SLC26A4: variants seen among roughly 807,000 people sequenced by gnomAD.
The protein encoded by SLC26A4 is solute carrier family 26 member 4.
In SLC26A4, 93 loss-of-function variants were observed where a neutral mutation model predicts 90.4. That is an observed-to-expected ratio of 1.03 (90% confidence interval 0.87 to 1.22). SLC26A4 has a LOEUF of 1.22. SLC26A4 is among the 50% of genes most tolerant of loss of function. The pLI is 0.00. For missense variants in SLC26A4, 1,127 were observed against 946.2 expected (o/e 1.19, Z -2.51); for synonymous variants, 393 against 354.6 (o/e 1.11, Z -1.22).
intron 3 of SLC26A4, among the ~76,000 whole-genome samples, chr7:107,670,545 C>A (rs562437553): frequency 6.6e-6 from 1 of 152,108 alleles, no homozygotes; most frequent in African/African-American, 2.4e-5. Context: ...CATCTCTCCA[C>A]GTTACTGAAT....
chr7:107,689,093 G>T lies in SLC26A4; in HGVS notation c.1042G>T (p.Glu348Ter). Reference protein sequence around the residue: ...PELPPVSLFSEMLAASFSIAV... With the variant: ...PELPPVSLFS Reference sequence around the variant, plus strand: ...ACTTCCACCTGTGAGCTTGTTCTCGGAGATGCTGGCTGCATCATTTTCCAT... The same window carrying T: ...ACTTCCACCTGTGAGCTTGTTCTCGTAGATGCTGGCTGCATCATTTTCCAT... Residue 348 changes from glutamate (E) to a stop codon, truncating the protein, a stop_gained, in exon 9 of 21, where the codon GAG becomes TAG. Transcript: ENST00000644269. LOFTEE classifies it high-confidence loss of function. The T allele has an allele frequency of 6.2e-7, 1 of 1,613,932 alleles. No individual in the cohort carries two copies. The highest frequency in any genetic ancestry group is 8.5e-7 in the Non-Finnish European group (1 of 1,179,868).
intron 19 of SLC26A4, among the ~76,000 whole-genome samples, chr7:107,712,203 G>C (rs1051872667): frequency 6.6e-6 from 1 of 152,174 alleles, no homozygotes; most frequent in Non-Finnish European, 1.5e-5. Flanking sequence ...GCTGTGCTAA[G>C]TGCTCTTAGC....
rs1328928065 is a variant in SLC26A4 at position 107,680,070 on chromosome 7, A to G, written c.766-3132A>G. Among the ~76,000 whole-genome samples, 8 of 128,928 alleles carry G rather than the reference A, an allele frequency of 6.2e-5. No individual in the cohort carries two copies. In the South Asian group the frequency reaches 1.6e-3, roughly 26 times the overall value. The allele number at this position is 128,928 out of a possible 152,430, so 84.6% of individuals were successfully genotyped here. On this transcript the variant is annotated intron_variant, in intron 6 of 20. Coordinates refer to ENST00000644269, the MANE Select transcript of SLC26A4 (RefSeq NM_000441.2). Reference sequence around the variant, plus strand: ...TTATTATATAATATAATCTTATTATATAATATATTCTTATCTTATTATATA... The same window carrying G: ...TTATTATATAATATAATCTTATTATGTAATATATTCTTATCTTATTATATA...
intron 19 of SLC26A4, among the ~76,000 whole-genome samples, chr7:107,710,575 T>C (rs1414309959): frequency 6.6e-6 from 1 of 152,202 alleles, no homozygotes; most frequent in African/African-American, 2.4e-5. Flanking sequence ...TGGAAAACCT[T>C]GAATTATAAA....
intron 12 of SLC26A4, among the ~76,000 whole-genome samples, chr7:107,695,543 T>C (rs1233054969): frequency 6.6e-6 from 1 of 152,192 alleles, no homozygotes; most frequent in African/African-American, 2.4e-5. Context: ...GCACAGTGGC[T>C]CAGGCCTGTA....
rs780478372 is a variant in SLC26A4 at position 107,672,260 on chromosome 7, T to C, written c.415+12T>C. The C allele has an allele frequency of 4.7e-6, 7 of 1,491,226 alleles. No homozygotes were observed. The Admixed American group carries it at 1.2e-4, about 25-fold the overall frequency. 92.4% of individuals were successfully genotyped at this position (1,491,226 alleles called of 1,614,324 possible). A position where few individuals can be genotyped will look rare whatever the true frequency, so the allele number is the denominator to read the frequency against. On this transcript the variant is annotated intron_variant, in intron 4 of 20. Coordinates refer to ENST00000644269, the MANE Select transcript of SLC26A4 (RefSeq NM_000441.2). ...ACATATCTCAGTTGGTAATTATAAG[T>C]ATATTTTACAATTATATTTGCTCAT...
intron 15 of SLC26A4, 60 bp downstream of exon 15, chr7:107,700,235 A>C: frequency 1.2e-6 from 1 of 837,102 alleles, no homozygotes; most frequent in South Asian, 1.4e-5. Flanking sequence ...CATTCATTCT[A>C]CAAGTATTTA....
chr7:107,680,485 T>C (rs1272940350), intron 6 of SLC26A4, among the ~76,000 whole-genome samples: 1 of 146,636 alleles, frequency 6.8e-6, no homozygotes, highest in Non-Finnish European at 1.5e-5. Context: ...TCTTATATTA[T>C]TATATAATAT....
intron 19 of SLC26A4, among the ~76,000 whole-genome samples, chr7:107,710,587 G>T (rs918869621): frequency 6.6e-6 from 1 of 152,146 alleles, no homozygotes; most frequent in African/African-American, 2.4e-5. Flanking sequence ...AATTATAAAT[G>T]TCTTTAAACA....
At chr7:107,695,096 A>G (rs1791702158) in intron 12 of SLC26A4, among the ~76,000 whole-genome samples, 1 of 152,246 alleles carries the variant, frequency 6.6e-6, no homozygotes, top group Non-Finnish European at 1.5e-5. Context: ...TCTGACTAAC[A>G]TAACCTTTGC....
Position 107,702,070 on chromosome 7 carries a change from T to C in SLC26A4, c.2034+13T>C. ...ATCACTGCGGGTGGTAAGGTTCTGGTTTTCTGAATTATACATTTGGAGCTT... is the reference window on the plus strand; with the variant it reads ...ATCACTGCGGGTGGTAAGGTTCTGGCTTTCTGAATTATACATTTGGAGCTT... On this transcript the variant is annotated intron_variant, in intron 17 of 20. Coordinates refer to ENST00000644269, the MANE Select transcript of SLC26A4 (RefSeq NM_000441.2). 1 of 1,540,766 alleles carries C rather than the reference T, an allele frequency of 6.5e-7. No homozygotes were observed. The highest frequency in any genetic ancestry group is 9.0e-7 in the Non-Finnish European group (1 of 1,113,378).
rs992228295 is a variant in SLC26A4, at chr7:107,716,511, C to T, written c.*1065C>T. The T allele has an allele frequency of 2.0e-5, 3 of 152,092 alleles. No homozygotes were observed. Among genetic ancestry groups the T allele is most frequent in the African/African-American group, 7.2e-5 (3 of 41,412 alleles). 9.4% of individuals were successfully genotyped at this position (152,092 alleles called of 1,614,324 possible). A position where few individuals can be genotyped will look rare whatever the true frequency, so the allele number is the denominator to read the frequency against. On this transcript the variant is annotated 3_prime_UTR_variant, in exon 21 of 21. Transcript: ENST00000644269. Reference sequence around the variant, plus strand: ...AAAGACAAAGCATTCTAAATGAACTCAATATAAAAACATTCATTTGGAATG... The same window carrying T: ...AAAGACAAAGCATTCTAAATGAACTTAATATAAAAACATTCATTTGGAATG...
intron 6 of SLC26A4, among the ~76,000 whole-genome samples, chr7:107,675,640 A>T (rs1174478365): frequency 7.0e-6 from 1 of 142,098 alleles, no homozygotes; most frequent in Non-Finnish European, 1.5e-5. Flanking sequence ...GTGGCATGAT[A>T]TTGGCTCACC....
rs142541351 is a variant in SLC26A4 at position 107,689,288 on chromosome 7, A to G, written c.1149+88A>G. ...GAAAAGATTTTGGTGTCAGCTAAAG[A>G]AGGGGTTGGATTCTTTCACCAGACC... On this transcript the variant is annotated intron_variant, in intron 9 of 20. Transcript: ENST00000644269. 2.8e-4 allele frequency: 394 copies of G among 1,399,190 alleles called. 1 individual carries two copies. In the African/African-American group the frequency reaches 5.0e-3, roughly 18 times the overall value. 86.7% of individuals were successfully genotyped at this position (1,399,190 alleles called of 1,614,324 possible).
chr7:107,667,432 T>C (rs1790745778), intron 3 of SLC26A4, among the ~76,000 whole-genome samples: 1 of 112,458 alleles, frequency 8.9e-6, no homozygotes, highest in Non-Finnish European at 1.7e-5. Flanking sequence ...ACCAAAGGAA[T>C]GTGGGATCAG....
intron 12 of SLC26A4, 22 bp downstream of exon 12, chr7:107,694,738 T>G: frequency 6.7e-7 from 1 of 1,499,526 alleles, no homozygotes; most frequent in Non-Finnish European, 9.3e-7. Context: ...ACCACCTATA[T>G]TTATCTGAAA....
At chr7:107,688,742 G>A (rs1791485814) in intron 8 of SLC26A4, among the ~76,000 whole-genome samples, 1 of 152,154 alleles carries the variant, frequency 6.6e-6, no homozygotes. Context: ...CATGTGAAAT[G>A]GCATGGATGG....
rs201322683 is a variant in SLC26A4, at chr7:107,675,003, T to C, written c.659T>C (p.Val220Ala). Residue 220 changes from valine (V) to alanine (A), a missense_variant, in exon 6 of 21, where the codon GTT becomes GCT. By Grantham distance (64) the Val-to-Ala change is moderately conservative. Coordinates refer to ENST00000644269, the MANE Select transcript of SLC26A4 (RefSeq NM_000441.2). Reference protein sequence around the residue: ...FIVRYLADPLVGGFTTAAAFQ... With the variant: ...FIVRYLADPLAGGFTTAAAFQ... ...GTGAGGTACTTGGCAGATCCTTTGGTTGGTGGCTTCACAACAGCTGCTGCC... is the reference window on the plus strand; with the variant it reads ...GTGAGGTACTTGGCAGATCCTTTGGCTGGTGGCTTCACAACAGCTGCTGCC... The C allele has an allele frequency of 1.6e-5, 26 of 1,613,992 alleles. No homozygotes were observed. The African/African-American group carries it at 2.8e-4, about 17-fold the overall frequency.
intron 9 of SLC26A4, 60 bp downstream of exon 9, chr7:107,689,260 A>C: frequency 1.3e-6 from 2 of 1,567,650 alleles, no homozygotes; most frequent in Non-Finnish European, 1.8e-6. Context: ...AAAAACATAA[A>C]TGGAAAAGAT....
Sources: gnomAD v4.1 joint callset for allele counts (sites outside exome capture counted in the v4.1 genomes callset) on GRCh38, gnomAD v4.1.1 for gene constraint, MANE v1.5 for transcripts, NCBI Gene and HGNC (gene_info 2026-07-23, HGNC 2026-07-21) for gene names.